The following ASTN1 variants were observed in gnomAD, a reference collection of about 807,000 sequenced individuals.
ASTN1 encodes astrotactin-1.
ASTN1 carries 41 observed loss-of-function variants against 140.7 expected under a neutral mutation model. The observed-to-expected ratio is 0.29, with a 90% confidence interval of 0.23 to 0.38. The LOEUF (loss-of-function observed/expected upper bound fraction) is 0.38, where lower values mean the gene tolerates loss of function less well. ASTN1 is among the 10% of genes least tolerant of loss of function. The pLI, the probability that ASTN1 is intolerant of heterozygous loss-of-function variation, is 1.00. For missense variants in ASTN1, 1,479 were observed against 1,678.8 expected, an observed-to-expected ratio of 0.88 and a Z score of 2.08; for synonymous variants, 640 against 652.2, an observed-to-expected ratio of 0.98 and a Z score of 0.29.
intron 1 of ASTN1, among the ~76,000 whole-genome samples, chr1:177,070,583 A>AAGTATC (rs1678588385): frequency 1.5e-3 from 2 of 1,372 alleles, no homozygotes; most frequent in African/African-American, 3.5e-3. Context: ...ACAAGTAATA[A>AAGTATC]TGTATGCACT....
chr1:177,039,884 C>T (rs1246921967), intron 2 of ASTN1, among the ~76,000 whole-genome samples: 1 of 152,212 alleles, frequency 6.6e-6, no homozygotes, highest in Non-Finnish European at 1.5e-5. Flanking sequence ...GATGATGGAG[C>T]TGGCCCACTA....
Position 176,957,659 on chromosome 1 carries a change from G to A in ASTN1, c.1887+19C>T. Reference sequence around the variant, plus strand: ...CCCCATCCTCAAACAGAAACTACTAGCTTGCAGGGCAGACCTACCACGCAA... The same window carrying A: ...CCCCATCCTCAAACAGAAACTACTAACTTGCAGGGCAGACCTACCACGCAA... On this transcript the variant is annotated intron_variant, in intron 11 of 22. Transcript: ENST00000361833. 1.2e-6 allele frequency: 2 copies of A among 1,612,784 alleles called. No homozygotes were observed. Among genetic ancestry groups the A allele is most frequent in the Non-Finnish European group, 1.7e-6 (2 of 1,179,310 alleles).
intron 1 of ASTN1, among the ~76,000 whole-genome samples, chr1:177,115,403 G>C (rs1681033755): frequency 6.6e-6 from 1 of 152,120 alleles, no homozygotes; most frequent in African/African-American, 2.4e-5. Context: ...CTGGTGCGAT[G>C]GCTCACACCT....
rs1451729894 is a variant in ASTN1 at position 176,862,691 on chromosome 1, G to A, written c.*1593C>T. 9.9e-6 allele frequency: 9 copies of A among 904,914 alleles called. No homozygotes were observed. The highest frequency in any genetic ancestry group is 9.0e-5 in the African/African-American group (5 of 55,542). 56.1% of individuals were successfully genotyped at this position (904,914 alleles called of 1,614,324 possible). A position where few individuals can be genotyped will look rare whatever the true frequency, so the allele number is the denominator to read the frequency against. On this transcript the variant is annotated 3_prime_UTR_variant, in exon 23 of 23. Coordinates refer to ENST00000361833, the MANE Select transcript of ASTN1 (RefSeq NM_004319.3). ...AAGTTGTATAACCTCTCTTTGCCTC[G>A]TTTTCCTCAACACTAAAATGGAGAC... is the stretch of plus-strand genomic sequence containing the variant.
At chr1:177,136,566 C>T (rs777102418) in intron 1 of ASTN1, among the ~76,000 whole-genome samples, 8 of 152,116 alleles carry the variant, frequency 5.3e-5, no homozygotes, top group African/African-American at 7.2e-5. Context: ...GTTGGCCATG[C>T]TGGTCTTGAA....
At chr1:176,869,460 A>G (rs1668253931) in intron 21 of ASTN1, among the ~76,000 whole-genome samples, 1 of 152,220 alleles carries the variant, frequency 6.6e-6, no homozygotes, top group African/African-American at 2.4e-5. Flanking sequence ...GCTTGAGGAA[A>G]AAGCTCATAT....
rs1571615232 is a variant in ASTN1 at position 176,991,294 on chromosome 1, T to A, written c.1523+23497A>T. Among the ~76,000 whole-genome samples, 3 of 151,474 alleles carry A rather than the reference T, an allele frequency of 2.0e-5. No individual in the cohort carries two copies. In the East Asian group the frequency reaches 5.9e-4, roughly 30 times the overall value. On this transcript the variant is annotated intron_variant, in intron 8 of 22. Coordinates refer to ENST00000361833, the MANE Select transcript of ASTN1 (RefSeq NM_004319.3). ...CTGGCATGGTGGCACATGACTGTAA[T>A]CCCAGCTACTCAGGAGGCTGAGGCA... is the stretch of plus-strand genomic sequence containing the variant.
At chr1:176,976,775 G>C (rs1037291549) in intron 8 of ASTN1, 1 of 152,148 alleles carries the variant, frequency 6.6e-6, no homozygotes. Context: ...AAGTTCAGTG[G>C]TCCTGAAAGC....
chr1:177,053,358 A>G (rs1319779693), intron 2 of ASTN1, among the ~76,000 whole-genome samples: 1 of 152,218 alleles, frequency 6.6e-6, no homozygotes, highest in Non-Finnish European at 1.5e-5. Flanking sequence ...GGGTAGCATA[A>G]GGCCTCTGTG....
chr1:176,955,091 T>C (rs1297105471), intron 11 of ASTN1, among the ~76,000 whole-genome samples: 1 of 152,070 alleles, frequency 6.6e-6, no homozygotes, highest in East Asian at 1.9e-4. Context: ...TCCTTAAGAG[T>C]CAGCGTGTTC....
intron 11 of ASTN1, among the ~76,000 whole-genome samples, chr1:176,952,272 C>G (rs1672223309): frequency 6.6e-6 from 1 of 151,840 alleles, no homozygotes; most frequent in Admixed American, 6.6e-5. Flanking sequence ...TTCAAACACA[C>G]AAACACACAC....
At chr1:177,044,362 G>A (rs912276958) in intron 2 of ASTN1, among the ~76,000 whole-genome samples, 2 of 151,990 alleles carry the variant, frequency 1.3e-5, no homozygotes, top group African/African-American at 4.8e-5. Context: ...TTTTTGAGGT[G>A]AGGATGGGGG....
chr1:177,046,871 A>G (rs960675226), intron 2 of ASTN1, among the ~76,000 whole-genome samples: 7 of 152,138 alleles, frequency 4.6e-5, no homozygotes, highest in African/African-American at 1.4e-4. Context: ...TACAGGACAG[A>G]GGGGAAAGTG....
chr1:176,972,507 A>T (rs75066566), intron 8 of ASTN1, among the ~76,000 whole-genome samples: 9,778 of 152,066 alleles, frequency 0.064, 993 homozygotes, highest in African/African-American at 0.22. Context: ...TTTAATTTTT[A>T]ATTTTTTTAG....
intron 16 of ASTN1, among the ~76,000 whole-genome samples, chr1:176,912,011 T>C (rs1670263085): frequency 6.6e-6 from 1 of 152,226 alleles, no homozygotes; most frequent in Non-Finnish European, 1.5e-5. Context: ...GGGACCACTG[T>C]CATATACGTG....
intron 14 of ASTN1, 30 bp downstream of exon 14, chr1:176,943,861 A>T: frequency 1.3e-6 from 2 of 1,552,160 alleles, no homozygotes; most frequent in Non-Finnish European, 1.7e-6. Flanking sequence ...TGTTTGTGCC[A>T]GTTGAATAAG....
At chr1:176,894,920 C>A in intron 16 of ASTN1, 90 bp from the exon 17 acceptor site, 1 of 1,538,758 alleles carries the variant, frequency 6.5e-7, no homozygotes, top group Non-Finnish European at 8.8e-7. Context: ...GGGGTCCAAT[C>A]TTTGGGATCA....
At chr1:176,929,160 G>A (rs564073874) in intron 16 of ASTN1, among the ~76,000 whole-genome samples, 2 of 152,356 alleles carry the variant, frequency 1.3e-5, no homozygotes, top group South Asian at 2.1e-4. Flanking sequence ...AGAGGTGAGA[G>A]GGGGTGGTAG....
At chr1:177,043,140 A>G (rs973490532) in intron 2 of ASTN1, among the ~76,000 whole-genome samples, 1 of 152,236 alleles carries the variant, frequency 6.6e-6, no homozygotes, top group Admixed American at 6.5e-5. Context: ...CTGTCCTCAG[A>G]GTCTGAGAGT....
Sources: allele counts gnomAD v4.1 joint callset (sites outside exome capture counted in the v4.1 genomes callset), GRCh38; gene constraint gnomAD v4.1.1; transcripts MANE v1.5; gene names NCBI Gene and HGNC (gene_info 2026-07-23, HGNC 2026-07-21).